The following CFAP61 variants were observed in gnomAD, a reference collection of about 807,000 sequenced individuals.
CFAP61 encodes the protein cilia and flagella associated protein 61.
A neutral mutation model predicts 135.6 loss-of-function variants in CFAP61; 107 were observed. That is an observed-to-expected ratio of 0.79 (90% CI 0.67 to 0.93). The LOEUF (loss-of-function observed/expected upper bound fraction) is 0.93. Ranked by LOEUF, CFAP61 falls within the 40% of genes least tolerant of loss-of-function variation. CFAP61 has a pLI of 0.00. For synonymous variants in CFAP61, 575 were observed against 578.5 expected, an observed-to-expected ratio of 0.99 and a Z score of 0.09; for missense variants, 1,507 against 1,556.2, an observed-to-expected ratio of 0.97 and a Z score of 0.53.
chr20:20,231,244 T>C (rs1040251405), intron 18 of CFAP61, among the ~76,000 whole-genome samples: 1 of 152,196 alleles, frequency 6.6e-6, no homozygotes, highest in African/African-American at 2.4e-5. Flanking sequence ...CTATTTTATC[T>C]GCTAGCTGTG....
intron 11 of CFAP61, among the ~76,000 whole-genome samples, chr20:20,165,026 C>G (rs1414336201): frequency 6.6e-6 from 1 of 152,162 alleles, no homozygotes; most frequent in Admixed American, 6.5e-5. Flanking sequence ...CCACAGGGTC[C>G]CTCCCACAAC....
intron 18 of CFAP61, among the ~76,000 whole-genome samples, chr20:20,241,447 C>T (rs969869044): frequency 6.6e-6 from 1 of 152,170 alleles, no homozygotes; most frequent in South Asian, 2.1e-4. Flanking sequence ...CCCAAAAAAT[C>T]TTTGTACTAT....
chr20:20,053,777 A>G (rs2043980892), intron 1 of CFAP61, among the ~76,000 whole-genome samples: 1 of 152,180 alleles, frequency 6.6e-6, no homozygotes, highest in African/African-American at 2.4e-5. Flanking sequence ...TATCACTTTC[A>G]TAAAGCCACC....
chr20:20,126,417 C>T (rs540333790), intron 8 of CFAP61, among the ~76,000 whole-genome samples: 19 of 151,916 alleles, frequency 1.3e-4, no homozygotes, highest in East Asian at 9.6e-4. Context: ...TTAGTAGTGG[C>T]GAATTCTCTC....
At chr20:20,203,354 A>G (rs2056715623) in intron 17 of CFAP61, among the ~76,000 whole-genome samples, 1 of 152,212 alleles carries the variant, frequency 6.6e-6, no homozygotes, top group African/African-American at 2.4e-5. Context: ...CTGAGCTTGA[A>G]TGAGCCATCT....
chr20:20,194,445 TCTCTGAGTATA>T (rs2056144248), intron 15 of CFAP61, among the ~76,000 whole-genome samples: 1 of 152,242 alleles, frequency 6.6e-6, no homozygotes, highest in Non-Finnish European at 1.5e-5. Context: ...CTTTTTGATC[TCTCTGAGTATA>T]CTCTGTAGAA....
At chr20:20,290,946 A>G (rs907353580) in intron 24 of CFAP61, among the ~76,000 whole-genome samples, 37 of 152,308 alleles carry the variant, frequency 2.4e-4, no homozygotes, top group Non-Finnish European at 4.6e-4. Flanking sequence ...ACTCCCAGAG[A>G]CCGTGAGATA....
At chr20:20,182,130 A>G (rs1375930545) in intron 13 of CFAP61, among the ~76,000 whole-genome samples, 1 of 152,224 alleles carries the variant, frequency 6.6e-6, no homozygotes, top group Admixed American at 6.5e-5. Context: ...TCTTGGTATC[A>G]TTTTATAAAC....
intron 24 of CFAP61, among the ~76,000 whole-genome samples, chr20:20,296,081 T>TC (rs1569259086): frequency 4.0e-4 from 5 of 12,348 alleles, no homozygotes; most frequent in Admixed American, 7.4e-4. Context: ...TCCCTCCTTT[T>TC]CTTCCTTCTT....
At chr20:20,129,529 T>A (rs1302282295) in intron 8 of CFAP61, among the ~76,000 whole-genome samples, 1 of 151,698 alleles carries the variant, frequency 6.6e-6, no homozygotes, top group Non-Finnish European at 1.5e-5. Flanking sequence ...ATTATATGCC[T>A]TGGGGGAGTC....
chr20:20,279,146 T>C (rs2053994902), intron 22 of CFAP61, among the ~76,000 whole-genome samples: 1 of 152,100 alleles, frequency 6.6e-6, no homozygotes, highest in African/African-American at 2.4e-5. Flanking sequence ...AAACATCCCA[T>C]TGGATAGCAG....
chr20:20,198,958 A>G (rs890446749), intron 16 of CFAP61, among the ~76,000 whole-genome samples: 6 of 152,250 alleles, frequency 3.9e-5, no homozygotes, highest in African/African-American at 9.6e-5. Flanking sequence ...CTTCAGATTT[A>G]AATGGTTACG....
Position 20,251,626 on chromosome 20 carries a change from A to G in CFAP61, c.2191A>G (p.Met731Val). Residue 731 changes from methionine (M) to valine (V), a missense_variant, in exon 20 of 27, where the codon ATG becomes GTG. By Grantham distance (21) the Met-to-Val change is conservative. Coordinates refer to ENST00000245957, the MANE Select transcript of CFAP61 (RefSeq NM_015585.4). ...HCFNDKDYAL[M>V]SLCSWVNVVV... is the part of the protein sequence containing the mutation. ...TTTTAATGATAAAGATTATGCACTG[A>G]TGTCACTGTGCTCCTGGGTTAATGT... is the stretch of plus-strand genomic sequence containing the variant. 1 of 1,614,134 alleles carries G rather than the reference A, an allele frequency of 6.2e-7. No homozygotes were observed. Among genetic ancestry groups the G allele is most frequent in the Non-Finnish European group, 8.5e-7 (1 of 1,179,996 alleles).
At chr20:20,152,913 A>C (rs191335160) in intron 9 of CFAP61, among the ~76,000 whole-genome samples, 15 of 152,276 alleles carry the variant, frequency 9.9e-5, no homozygotes, top group Admixed American at 3.9e-4. Context: ...ACAACTGCAG[A>C]ATATACATTC....
chr20:20,228,287 A>G lies in CFAP61; in HGVS notation c.1971A>G (p.Thr657=). The G allele has an allele frequency of 6.2e-7, 1 of 1,611,274 alleles. No homozygotes were observed. The highest frequency in any genetic ancestry group is 8.5e-7 in the Non-Finnish European group (1 of 1,177,722). ...YALNHTNRKL[T]LEPKITVNAK... is the part of the protein sequence containing the mutation. ...TAAACCATACAAACAGAAAACTAAC[A>G]TTGGAACCTAAAATTACTGTCAATG... is the stretch of plus-strand genomic sequence containing the variant. Residue 657 remains threonine (T), a synonymous_variant, in exon 18 of 27, where the codon ACA becomes ACG. Transcript: ENST00000245957.
intron 18 of CFAP61, among the ~76,000 whole-genome samples, chr20:20,243,638 T>C (rs888889180): frequency 3.9e-5 from 6 of 152,100 alleles, no homozygotes; most frequent in African/African-American, 1.2e-4. Flanking sequence ...GGTTTCACCA[T>C]GTTGGTCAGG....
At chr20:20,225,936 A>T (rs2048706384) in intron 17 of CFAP61, 1 of 152,234 alleles carries the variant, frequency 6.6e-6, no homozygotes, top group Non-Finnish European at 1.5e-5. Context: ...TTCCTCATGG[A>T]TCTGTGCTAG....
chr20:20,298,471 C>A, intron 25 of CFAP61, 85 bp downstream of exon 25: 1 of 1,171,120 alleles, frequency 8.5e-7, no homozygotes, highest in East Asian at 2.5e-5. Flanking sequence ...TGTGATGCAC[C>A]CGAGAGCAAA....
At chr20:20,290,056 C>A (rs1019167108) in intron 23 of CFAP61, among the ~76,000 whole-genome samples, 5 of 152,194 alleles carry the variant, frequency 3.3e-5, no homozygotes, top group African/African-American at 1.2e-4. Flanking sequence ...TACACAAGAT[C>A]GGCTTGGCAC....
Sources: allele counts gnomAD v4.1 joint callset (sites outside exome capture counted in the v4.1 genomes callset), GRCh38; gene constraint gnomAD v4.1.1; transcripts MANE v1.5; gene names NCBI Gene and HGNC (gene_info 2026-07-23, HGNC 2026-07-21).